Variants in PTN observed in about 807,000 individuals in gnomAD.
PTN encodes pleiotrophin.
Under a neutral mutation model 24.1 loss-of-function variants are expected in PTN, and 18 were observed. That is an observed-to-expected ratio of 0.75 (90% confidence interval 0.52 to 1.11). PTN has a LOEUF of 1.11. PTN is among the 50% of genes least tolerant of loss of function. The pLI is 0.00. For synonymous variants in PTN, 78 were observed against 68.6 expected (o/e 1.14, Z -0.67); for missense variants, 163 against 198.8 (o/e 0.82, Z 1.08).
intron 1 of PTN, among the ~76,000 whole-genome samples, chr7:137,324,243 T>A (rs773960538): frequency 2.0e-5 from 3 of 151,116 alleles, no homozygotes; most frequent in Non-Finnish European, 4.4e-5. Context: ...AAATTAACAT[T>A]CTTAAGCTGG....
chr7:137,299,944 T>C (rs943825069), intron 1 of PTN, among the ~76,000 whole-genome samples: 6 of 151,896 alleles, frequency 4.0e-5, no homozygotes, highest in Admixed American at 3.9e-4. Flanking sequence ...TCCCCTTCAT[T>C]GGGTCTAGGT....
chr7:137,303,579 A>G (rs1484492544), intron 1 of PTN, among the ~76,000 whole-genome samples: 1 of 152,030 alleles, frequency 6.6e-6, no homozygotes, highest in Non-Finnish European at 1.5e-5. Context: ...TAAACACTGT[A>G]GATGTCTGTG....
intron 1 of PTN, among the ~76,000 whole-genome samples, chr7:137,311,096 G>A (rs1260772127): frequency 6.6e-6 from 1 of 152,030 alleles, no homozygotes; most frequent in East Asian, 1.9e-4. Context: ...GCTGGGCATG[G>A]TGGTACACAC....
intron 1 of PTN, among the ~76,000 whole-genome samples, chr7:137,282,831 T>C (rs1004500608): frequency 6.6e-6 from 1 of 152,146 alleles, no homozygotes; most frequent in African/African-American, 2.4e-5. Flanking sequence ...AAAAGCAAAA[T>C]CGCAAATAAT....
chr7:137,342,097 T>C (rs1218888829), intron 1 of PTN, among the ~76,000 whole-genome samples: 2 of 152,224 alleles, frequency 1.3e-5, no homozygotes, highest in East Asian at 3.8e-4. Flanking sequence ...GACTTCTCTT[T>C]TGTTTCATTG....
At chr7:137,321,066 T>C (rs749667148) in intron 1 of PTN, among the ~76,000 whole-genome samples, 1 of 152,188 alleles carries the variant, frequency 6.6e-6, no homozygotes, top group Non-Finnish European at 1.5e-5. Flanking sequence ...TCCAGGCTAA[T>C]GGACAGTTAA....
chr7:137,246,140 C>T (rs1808719807), intron 4 of PTN, among the ~76,000 whole-genome samples: 1 of 152,174 alleles, frequency 6.6e-6, no homozygotes, highest in Non-Finnish European at 1.5e-5. Context: ...TCCAGTCCTG[C>T]AAGCTCCATT....
Position 137,253,630 on chromosome 7 carries a change from T to A in PTN, c.123A>T (p.Lys41Asn), listed in dbSNP as rs780222604. 6.5e-7 allele frequency: 1 copy of A among 1,537,888 alleles called. No homozygotes were observed. Among genetic ancestry groups the A allele is most frequent in the Non-Finnish European group, 8.8e-7 (1 of 1,136,764 alleles). ...EAGKKEKPEK[K>N]VKKSDCGEWQ... is the part of the protein sequence containing the mutation. ...ATTCTCCACAGTCAGACTTCTTCAC[T>A]TTTTTTTCTGAATGAAAGGAGGAAA... Residue 41 changes from lysine to asparagine, a missense_variant, in exon 3 of 5, where the codon AAA (lysine) becomes AAT (asparagine). By Grantham distance (94) the Lys-to-Asn change is moderately conservative (BLOSUM62 0). Coordinates refer to ENST00000348225, the MANE Select transcript of PTN (RefSeq NM_002825.7).
At chr7:137,261,948 G>C (rs944400535) in intron 1 of PTN, among the ~76,000 whole-genome samples, 2 of 152,142 alleles carry the variant, frequency 1.3e-5, no homozygotes, top group African/African-American at 4.8e-5. Context: ...TTTATGGCCA[G>C]TTTTTACACA....
At chr7:137,257,990 C>T (rs980721393) in intron 1 of PTN, among the ~76,000 whole-genome samples, 1 of 152,184 alleles carries the variant, frequency 6.6e-6, no homozygotes, top group African/African-American at 2.4e-5. Flanking sequence ...CATATACACA[C>T]ACATGCACAC....
chr7:137,302,461 A>T (rs1809821782), intron 1 of PTN, among the ~76,000 whole-genome samples: 1 of 152,018 alleles, frequency 6.6e-6, no homozygotes, highest in Non-Finnish European at 1.5e-5. Flanking sequence ...AATCAGAAGG[A>T]TAGATTAGAC....
At chr7:137,268,212 G>A (rs1403434482) in intron 1 of PTN, among the ~76,000 whole-genome samples, 1 of 152,032 alleles carries the variant, frequency 6.6e-6, no homozygotes, top group Non-Finnish European at 1.5e-5. Context: ...ATGCCTACCC[G>A]GGAGCGCTCT....
At chr7:137,244,824 A>C (rs541468042) in intron 4 of PTN, among the ~76,000 whole-genome samples, 1 of 152,276 alleles carries the variant, frequency 6.6e-6, no homozygotes, top group South Asian at 2.1e-4. Context: ...TCTATACCTC[A>C]AGAAGTAATG....
In PTN at chr7:137,258,572, ATTT is replaced by A. The variant is rs773302685; in HGVS notation, c.-1-3601_-1-3599del. ...TGGGTAGAGAAAATGAATAAAGGTT[ATTT>A]AAAAGAAGAGAGTAAAGAGTTTTAA... On this transcript the variant is annotated intron_variant, in intron 1 of 4. Transcript: ENST00000348225. Among the ~76,000 whole-genome samples, 652 of 152,308 alleles carry A rather than the reference ATTT, an allele frequency of 4.3e-3. 2 individuals carry two copies. Among genetic ancestry groups the A allele is most frequent in the South Asian group, 0.023 (113 of 4,826 alleles).
At chr7:137,339,161 T>A (rs1810494041) in intron 1 of PTN, among the ~76,000 whole-genome samples, 1 of 152,168 alleles carries the variant, frequency 6.6e-6, no homozygotes, top group Non-Finnish European at 1.5e-5. Context: ...CTGTGACTTT[T>A]AAAGCATCTT....
intron 4 of PTN, among the ~76,000 whole-genome samples, chr7:137,232,440 T>C (rs1489145336): frequency 1.3e-5 from 2 of 151,932 alleles, no homozygotes; most frequent in Admixed American, 6.6e-5. Context: ...AGGTGTGTAT[T>C]TTTGTAACTT....
At position 137,319,471 on chromosome 7, in the gene PTN, C is replaced by T. The variant is rs561200607; in HGVS notation, c.-2+23968G>A. On this transcript the variant is annotated intron_variant, in intron 1 of 4. Transcript: ENST00000348225. ...CTTAAAACCTGACATTGAATCAAGG[C>T]ACTCCAAGGGGCTGAAAGCGAACAT... Among the ~76,000 whole-genome samples the T allele has an allele frequency of 1.1e-4, 17 of 152,312 alleles. No individual in the cohort carries two copies. The South Asian group carries it at 3.5e-3, about 32-fold the overall frequency.
chr7:137,263,753 A>C (rs942241734), intron 1 of PTN, among the ~76,000 whole-genome samples: 8 of 152,124 alleles, frequency 5.3e-5, no homozygotes, highest in African/African-American at 1.9e-4. Flanking sequence ...GTAGGAAGAA[A>C]GATGGTTTAA....
intron 1 of PTN, among the ~76,000 whole-genome samples, chr7:137,288,863 G>A (rs1348196925): frequency 6.6e-6 from 1 of 152,092 alleles, no homozygotes; most frequent in African/African-American, 2.4e-5. Flanking sequence ...TCTGCTGGAT[G>A]GTGGATTTAA....
Sources: allele counts gnomAD v4.1 joint callset (sites outside exome capture counted in the v4.1 genomes callset), GRCh38; gene constraint gnomAD v4.1.1; transcripts MANE v1.5; gene names NCBI Gene and HGNC (gene_info 2026-07-23, HGNC 2026-07-21).